The following IL1RAPL2 variants were observed in gnomAD, a reference collection of about 807,000 sequenced individuals.
The protein encoded by IL1RAPL2 is interleukin 1 receptor accessory protein like 2, also known as X-linked interleukin-1 receptor accessory protein-like 2.
Under a neutral mutation model 44.1 loss-of-function variants are expected in IL1RAPL2, and 3 were observed. That is an observed-to-expected ratio of 0.07 (90% CI 0.03 to 0.18). The LOEUF (loss-of-function observed/expected upper bound fraction) is 0.18. Ranked by LOEUF, IL1RAPL2 falls within the 10% of genes least tolerant of loss-of-function variation. IL1RAPL2 has a pLI of 1.00. For synonymous variants in IL1RAPL2, 181 were observed against 178.8 expected, an observed-to-expected ratio of 1.01 and a Z score of -0.10; for missense variants, 391 against 496.4, an observed-to-expected ratio of 0.79 and a Z score of 2.02.
chrX:105,152,850 C>T (rs1215801462), intron 2 of IL1RAPL2, among the ~76,000 whole-genome samples: 2 of 112,073 alleles, frequency 1.8e-5, no homozygotes, highest in East Asian at 5.6e-4. Context: ...GTTTGCTCTT[C>T]TGTCATTGGA....
At chrX:105,617,242 G>A (rs998371897) in intron 6 of IL1RAPL2, among the ~76,000 whole-genome samples, 1 of 110,776 alleles carries the variant, frequency 9.0e-6, no homozygotes, top group Non-Finnish European at 1.9e-5. Context: ...GATATTGAAT[G>A]GCCAACTCGA....
At chrX:104,789,673 A>G (rs1356893363) in intron 2 of IL1RAPL2, among the ~76,000 whole-genome samples, 1 of 112,326 alleles carries the variant, frequency 8.9e-6, no homozygotes, top group Non-Finnish European at 1.9e-5. Context: ...ATGAATTGCC[A>G]TGTGACTTTG....
chrX:105,362,177 C>T (rs923105130), intron 5 of IL1RAPL2, among the ~76,000 whole-genome samples: 4 of 111,652 alleles, frequency 3.6e-5, no homozygotes, highest in African/African-American at 1.3e-4. Flanking sequence ...TGTCTTCTTT[C>T]CTTTAGCACA....
chrX:105,667,728 C>T (rs908638520), intron 6 of IL1RAPL2, among the ~76,000 whole-genome samples: 3 of 111,463 alleles, frequency 2.7e-5, no homozygotes, highest in Non-Finnish European at 5.6e-5. Context: ...AAATCGTTTA[C>T]TCCTTTTAAG....
rs183349103 is a variant in IL1RAPL2, at chrX:105,082,705, C to G, written c.83-112770C>G. Among the ~76,000 whole-genome samples the G allele has an allele frequency of 2.7e-5, 3 of 111,640 alleles. No individual in the cohort carries two copies. In the East Asian group the frequency reaches 8.5e-4, roughly 32 times the overall value. On this transcript the variant is annotated intron_variant, in intron 2 of 10. Coordinates refer to ENST00000372582, the MANE Select transcript of IL1RAPL2 (RefSeq NM_017416.2). ...TAAACTGCAGCAGACCTGCAGCAGA[C>G]GGGCCTGACTGTTAGAAGGAAAACT...
intron 7 of IL1RAPL2, among the ~76,000 whole-genome samples, chrX:105,729,876 AGAAGGAAG>A (rs768197336): frequency 0.01 from 523 of 51,269 alleles, 7 homozygotes; most frequent in African/African-American, 0.025. Flanking sequence ...AAGGAAGGAA[AGAAGGAAG>A]GAAGGAAGGA....
At chrX:105,465,506 G>A (rs756303653) in intron 5 of IL1RAPL2, among the ~76,000 whole-genome samples, 5 of 111,731 alleles carry the variant, frequency 4.5e-5, no homozygotes, top group Non-Finnish European at 7.5e-5. Flanking sequence ...ATTATTTAAA[G>A]ACAGACTTGC....
intron 2 of IL1RAPL2, among the ~76,000 whole-genome samples, chrX:104,787,590 C>T (rs1243849695): frequency 9.0e-6 from 1 of 111,334 alleles, no homozygotes; most frequent in Non-Finnish European, 1.9e-5. Context: ...ATTTACATTT[C>T]AGATTTAAAA....
intron 6 of IL1RAPL2, among the ~76,000 whole-genome samples, chrX:105,635,499 A>G (rs1030898071): frequency 2.7e-5 from 3 of 111,626 alleles, no homozygotes; most frequent in Non-Finnish European, 3.8e-5. Context: ...TCAATGCTAT[A>G]AAAATTGAAG....
intron 2 of IL1RAPL2, among the ~76,000 whole-genome samples, chrX:104,954,695 C>T (rs1329238910): frequency 8.9e-6 from 1 of 111,987 alleles, no homozygotes; most frequent in African/African-American, 3.3e-5. Flanking sequence ...GACCGCCACA[C>T]CTGAGTAATT....
chrX:104,660,481 A>G (rs1930369223), intron 2 of IL1RAPL2, among the ~76,000 whole-genome samples: 1 of 107,776 alleles, frequency 9.3e-6, no homozygotes, highest in Non-Finnish European at 1.9e-5. Flanking sequence ...GTTGCTGTCA[A>G]TGTATTCTGT....
At chrX:104,599,656 AC>A (rs1928836136) in intron 1 of IL1RAPL2, among the ~76,000 whole-genome samples, 1 of 83,101 alleles carries the variant, frequency 1.2e-5, no homozygotes, top group African/African-American at 9.5e-5. Context: ...TTTAGCACAC[AC>A]ACACACACAC....
chrX:105,341,184 A>C (rs923286399), intron 5 of IL1RAPL2, among the ~76,000 whole-genome samples: 14 of 111,543 alleles, frequency 1.3e-4, no homozygotes, highest in Non-Finnish European at 2.6e-4. Context: ...CAGAAATTGT[A>C]AGTGCTTGTT....
chrX:104,961,104 G>C (rs1221394822), intron 2 of IL1RAPL2, among the ~76,000 whole-genome samples: 2 of 111,494 alleles, frequency 1.8e-5, no homozygotes, highest in Non-Finnish European at 3.8e-5. Context: ...AGACAGAAGA[G>C]TAGGTGTGAA....
At chrX:104,627,920 GAAAA>G (rs772273871) in intron 1 of IL1RAPL2, among the ~76,000 whole-genome samples, 1 of 108,051 alleles carries the variant, frequency 9.3e-6, no homozygotes, top group Non-Finnish European at 1.9e-5. Context: ...TCATTGAAAA[GAAAA>G]AAAAATCTAT....
chrX:105,118,401 G>A (rs769407206), intron 2 of IL1RAPL2, among the ~76,000 whole-genome samples: 2 of 112,201 alleles, frequency 1.8e-5, no homozygotes, highest in Non-Finnish European at 3.8e-5. Flanking sequence ...TGTATTCTTG[G>A]CTCAGAGGCA....
chrX:105,199,714 T>C (rs2033700812), intron 3 of IL1RAPL2, among the ~76,000 whole-genome samples: 1 of 112,117 alleles, frequency 8.9e-6, no homozygotes. Flanking sequence ...CAATAGAAGA[T>C]AAAAGAATTC....
chrX:105,053,971 G>T (rs1230976060), intron 2 of IL1RAPL2, among the ~76,000 whole-genome samples: 1 of 111,260 alleles, frequency 9.0e-6, no homozygotes, highest in Admixed American at 9.6e-5. Context: ...CTGTACTCCA[G>T]CCTGGGTAGC....
chrX:105,602,628 C>T (rs193088355), intron 6 of IL1RAPL2, among the ~76,000 whole-genome samples: 2 of 110,353 alleles, frequency 1.8e-5, no homozygotes, highest in Non-Finnish European at 3.8e-5. Context: ...GTCTTCTAAG[C>T]ACTTTATACT....
Sources: allele counts gnomAD v4.1 joint callset (sites outside exome capture counted in the v4.1 genomes callset), GRCh38; gene constraint gnomAD v4.1.1; transcripts MANE v1.5; gene names NCBI Gene and HGNC (gene_info 2026-07-23, HGNC 2026-07-21).